The following UBA6 variants were observed in gnomAD, a reference collection of about 807,000 sequenced individuals.
The protein encoded by UBA6 is ubiquitin-like modifier-activating enzyme 6.
Under a neutral mutation model 148.3 loss-of-function variants are expected in UBA6, and 87 were observed. That is an observed-to-expected ratio of 0.59 (90% CI 0.49 to 0.70). The LOEUF is 0.70. Among genes scored for constraint, UBA6 ranks in the 30% least tolerant of loss-of-function variants. The pLI, the probability that UBA6 is intolerant of heterozygous loss-of-function variation, is 0.00. For missense variants in UBA6, 1,186 were observed against 1,241.2 expected, an observed-to-expected ratio of 0.96 and a Z score of 0.67; for synonymous variants, 376 against 401.0, an observed-to-expected ratio of 0.94 and a Z score of 0.75.
At chr4:67,689,256 T>C (rs1160888627) in intron 2 of UBA6, among the ~76,000 whole-genome samples, 1 of 152,150 alleles carries the variant, frequency 6.6e-6, no homozygotes, top group African/African-American at 2.4e-5. Flanking sequence ...GTGTACTATA[T>C]GCATTTTCAA....
chr4:67,672,533 A>T lies in UBA6; in HGVS notation c.546+1164T>A, dbSNP rs111445344. ...ACAGCAAGCCATAGTGATCCTTTAAAAATATAAAACAGATTAAAACTCACA... is the reference window on the plus strand; with the variant it reads ...ACAGCAAGCCATAGTGATCCTTTAATAATATAAAACAGATTAAAACTCACA... On this transcript the variant is annotated intron_variant, in intron 7 of 32. Transcript: ENST00000322244. Among the ~76,000 whole-genome samples the T allele has an allele frequency of 3.9e-5, 6 of 152,308 alleles. 2 individuals carry two copies. The highest frequency in any genetic ancestry group is 1.4e-4 in the African/African-American group (6 of 41,566).
rs769598723 is a variant in UBA6 at position 67,644,756 on chromosome 4, C to T, written c.1418G>A (p.Cys473Tyr). Residue 473 changes from cysteine to tyrosine, a missense_variant, in exon 17 of 33, where the codon TGT becomes TAT. By Grantham distance (194) the Cys-to-Tyr change is radical. Coordinates refer to ENST00000322244, the MANE Select transcript of UBA6 (RefSeq NM_018227.6). ...IFLVGCGAIG[C>Y]EMLKNFALLG... ...TAAAGCAAAATTTTTCAACATTTCA[C>T]AGCCTATGGCTCCACACCCTACCTA... The T allele has an allele frequency of 1.9e-6, 3 of 1,609,026 alleles. No individual in the cohort carries two copies. Among genetic ancestry groups the T allele is most frequent in the Non-Finnish European group, 2.6e-6 (3 of 1,175,568 alleles).
Position 67,617,282 on chromosome 4 carries a change from T to G in UBA6, c.*1715A>C, listed in dbSNP as rs1480047491. On this transcript the variant is annotated 3_prime_UTR_variant, in exon 33 of 33. Coordinates refer to ENST00000322244, the MANE Select transcript of UBA6 (RefSeq NM_018227.6). ...ACAAAGTGAACGTGGAAAAAAGCCT[T>G]CTTTGCAAAAGTCCTTTTATTAGTC... 1.3e-5 allele frequency: 2 copies of G among 152,080 alleles called. No homozygotes were observed. The highest frequency in any genetic ancestry group is 2.9e-5 in the Non-Finnish European group (2 of 67,950). 9.4% of individuals were successfully genotyped at this position (152,080 alleles called of 1,614,324 possible).
chr4:67,681,104 T>G (rs1165053488), intron 4 of UBA6, among the ~76,000 whole-genome samples: 1 of 152,178 alleles, frequency 6.6e-6, no homozygotes, highest in East Asian at 1.9e-4. Flanking sequence ...AGACAACAAA[T>G]GTTGCTTAAG....
intron 9 of UBA6, among the ~76,000 whole-genome samples, chr4:67,668,152 G>A (rs915667427): frequency 2.0e-5 from 3 of 152,094 alleles, no homozygotes; most frequent in Admixed American, 2.0e-4. Flanking sequence ...TAAGACTTGT[G>A]AGCTTAATTC....
chr4:67,653,169 G>C (rs747956249), intron 13 of UBA6, among the ~76,000 whole-genome samples: 1 of 152,206 alleles, frequency 6.6e-6, no homozygotes, highest in Non-Finnish European at 1.5e-5. Context: ...ACTGAAGAGA[G>C]CAGTGGTTCT....
chr4:67,662,350 G>T, intron 12 of UBA6, 95 bp from the exon 13 acceptor site: 1 of 1,125,094 alleles, frequency 8.9e-7, no homozygotes, highest in Non-Finnish European at 1.3e-6. Flanking sequence ...ATATATAAAA[G>T]AATGTGGGAT....
chr4:67,630,882 T>C (rs865844903), intron 25 of UBA6, among the ~76,000 whole-genome samples: 1 of 152,138 alleles, frequency 6.6e-6, no homozygotes, highest in Non-Finnish European at 1.5e-5. Context: ...TTGGTCTTAA[T>C]GAGTATATAT....
chr4:67,689,928 T>A (rs906554384), intron 2 of UBA6, among the ~76,000 whole-genome samples: 2 of 152,120 alleles, frequency 1.3e-5, no homozygotes, highest in African/African-American at 2.4e-5. Flanking sequence ...CTGACAGAGT[T>A]GACATACATG....
intron 1 of UBA6, 60 bp downstream of exon 1, chr4:67,700,989 G>C: frequency 1.3e-6 from 2 of 1,599,618 alleles, no homozygotes; most frequent in Non-Finnish European, 1.7e-6. Context: ...GAAAGAAGCA[G>C]AAACCCGGAG....
chr4:67,673,733 G>T lies in UBA6; in HGVS notation c.510C>A (p.Ile170=). The change falls in exon 7 of 33, where the codon ATC becomes ATA. Residue 170 remains isoleucine (I), a synonymous_variant. Transcript: ENST00000322244. ...GGCACTGAGAACGGCAAAAGTCATT[G>T]ATCTTCTTCTGCAATGGAAGTTTCA... ...TEMKLPLQKK[I]NDFCRSQCPP... is the part of the protein sequence containing the mutation. The T allele has an allele frequency of 6.2e-7, 1 of 1,611,900 alleles. No homozygotes were observed. The highest frequency in any genetic ancestry group is 1.1e-5 in the South Asian group (1 of 90,894).
intron 2 of UBA6, among the ~76,000 whole-genome samples, chr4:67,686,488 C>G (rs895430332): frequency 2.0e-5 from 3 of 152,076 alleles, no homozygotes; most frequent in African/African-American, 7.2e-5. Flanking sequence ...ATCATAATAA[C>G]AACAACTTCG....
intron 15 of UBA6, among the ~76,000 whole-genome samples, chr4:67,646,306 A>G (rs1483274198): frequency 6.6e-6 from 1 of 152,170 alleles, no homozygotes; most frequent in Admixed American, 6.5e-5. Flanking sequence ...AGAGGAATCT[A>G]CGGATGGGCT....
chr4:67,690,450 G>A (rs1029890210), intron 2 of UBA6, among the ~76,000 whole-genome samples: 2 of 151,916 alleles, frequency 1.3e-5, no homozygotes, highest in South Asian at 4.1e-4. Flanking sequence ...ATTGTCAAGT[G>A]GGACTATATG....
intron 2 of UBA6, among the ~76,000 whole-genome samples, chr4:67,689,726 C>G (rs200750040): frequency 6.9e-6 from 1 of 145,946 alleles, no homozygotes; most frequent in Non-Finnish European, 1.5e-5. Context: ...CCATCTGCAC[C>G]TTTTTCAGAC....
intron 4 of UBA6, 70 bp from the exon 5 acceptor site, chr4:67,678,603 A>T: frequency 1.5e-6 from 1 of 680,368 alleles, no homozygotes; most frequent in Non-Finnish European, 2.5e-6. Flanking sequence ...AGTATTACTG[A>T]CAATGTACTA....
At chr4:67,663,551 T>C (rs1577820933) in intron 11 of UBA6, 1 of 362,160 alleles carries the variant, frequency 2.8e-6, no homozygotes, top group Non-Finnish European at 4.9e-6. Context: ...GTAAGAAATA[T>C]GTATTGTATA....
At chr4:67,633,191 T>G (rs1042762126) in intron 23 of UBA6, among the ~76,000 whole-genome samples, 154 bp downstream of exon 23, 1 of 152,184 alleles carries the variant, frequency 6.6e-6, no homozygotes, top group African/African-American at 2.4e-5. Flanking sequence ...CAAACTTCTT[T>G]TAGATTAGCA....
rs1027041594 is a variant in UBA6, at chr4:67,618,142, T to C, written c.*855A>G. The C allele has an allele frequency of 6.6e-6, 1 of 152,140 alleles. No individual in the cohort carries two copies. The highest frequency in any genetic ancestry group is 1.5e-5 in the Non-Finnish European group (1 of 67,920). The allele number at this position is 152,140 out of a possible 1,614,324, so 9.4% of individuals were successfully genotyped here. A position where few individuals can be genotyped will look rare whatever the true frequency, so the allele number is the denominator to read the frequency against. On this transcript the variant is annotated 3_prime_UTR_variant, in exon 33 of 33. Transcript: ENST00000322244. ...TAACATTCTACATTTCATCTATTTC[T>C]AAAGACACTCCCTTTACAAAATCTT...
Sources: gnomAD v4.1 joint callset for allele counts (sites outside exome capture counted in the v4.1 genomes callset) on GRCh38, gnomAD v4.1.1 for gene constraint, MANE v1.5 for transcripts, NCBI Gene and HGNC (gene_info 2026-07-23, HGNC 2026-07-21) for gene names.